The following SLC16A12 variants were observed in gnomAD, a reference collection of about 807,000 sequenced individuals.
SLC16A12 encodes solute carrier family 16 member 12, also known as monocarboxylate transporter 12.
SLC16A12 carries 17 observed loss-of-function variants against 42.4 expected under a neutral mutation model. The ratio of observed to expected loss-of-function variants is 0.40; its 90% CI spans 0.27 to 0.60. SLC16A12 has a LOEUF of 0.60. SLC16A12 is among the 20% of genes least tolerant of loss of function. SLC16A12 has a pLI of 0.42. For missense variants in SLC16A12, 544 were observed against 623.0 expected (o/e 0.87, Z 1.35); for synonymous variants, 224 against 229.4 (o/e 0.98, Z 0.21).
chr10:89,520,576 G>A lies in SLC16A12; in HGVS notation c.-47+13925C>T, dbSNP rs138442816. 1.4e-4 allele frequency among the ~76,000 whole-genome samples: 22 copies of A among 152,082 alleles called. No homozygotes were observed. The East Asian group carries it at 4.1e-3, about 28-fold the overall frequency. On this transcript the variant is annotated intron_variant, in intron 2 of 7. Coordinates refer to ENST00000371790, the MANE Select transcript of SLC16A12 (RefSeq NM_213606.4). ...AAAGAACAGTAGAAACAAAAGCATCGAGTGTTTTAAAAGCACACGTACACT... is the reference window on the plus strand; with the variant it reads ...AAAGAACAGTAGAAACAAAAGCATCAAGTGTTTTAAAAGCACACGTACACT...
chr10:89,541,695 A>G (rs902854844), intron 2 of SLC16A12, among the ~76,000 whole-genome samples: 3 of 152,166 alleles, frequency 2.0e-5, no homozygotes, highest in African/African-American at 4.8e-5. Context: ...AGGCCTGACA[A>G]TTCTTTGTTG....
At chr10:89,502,073 A>G (rs1173973705) in intron 2 of SLC16A12, among the ~76,000 whole-genome samples, 1 of 152,218 alleles carries the variant, frequency 6.6e-6, no homozygotes, top group Non-Finnish European at 1.5e-5. Context: ...GACACAGCCC[A>G]GATTGAAAAC....
chr10:89,511,682 G>A (rs1231426630), intron 2 of SLC16A12, among the ~76,000 whole-genome samples: 3 of 152,106 alleles, frequency 2.0e-5, no homozygotes, highest in Non-Finnish European at 2.9e-5. Context: ...GTATACCTCT[G>A]TAACAAACCT....
At chr10:89,531,537 G>T (rs1050711654) in intron 2 of SLC16A12, among the ~76,000 whole-genome samples, 2 of 152,204 alleles carry the variant, frequency 1.3e-5, no homozygotes, top group Non-Finnish European at 2.9e-5. Flanking sequence ...TCCCACAGCG[G>T]TCTCTGTGTC....
At chr10:89,459,816 C>T (rs561974584) in intron 3 of SLC16A12, among the ~76,000 whole-genome samples, 15 of 152,236 alleles carry the variant, frequency 9.9e-5, no homozygotes, top group African/African-American at 3.6e-4. Flanking sequence ...TGGCACGCAC[C>T]TGTAATCCCA....
chr10:89,537,710 A>G (rs1469897075), upstream of SLC16A12, among the ~76,000 whole-genome samples: 3 of 152,086 alleles, frequency 2.0e-5, no homozygotes, highest in East Asian at 3.9e-4. Flanking sequence ...TGGGTGGCAA[A>G]TAAGTCTCAC....
intron 2 of SLC16A12, among the ~76,000 whole-genome samples, chr10:89,464,191 T>A (rs764687768): frequency 1.3e-5 from 2 of 152,164 alleles, no homozygotes; most frequent in African/African-American, 4.8e-5. Flanking sequence ...GGGTCTTTTG[T>A]TTTTTGCTTT....
intron 2 of SLC16A12, among the ~76,000 whole-genome samples, chr10:89,529,281 T>C (rs893268661): frequency 6.6e-6 from 1 of 152,108 alleles, no homozygotes; most frequent in South Asian, 2.1e-4. Flanking sequence ...CAAAGTGGAA[T>C]CCCAAAATAA....
At position 89,441,209 on chromosome 10, in the gene SLC16A12, A is replaced by T; in HGVS notation, c.347T>A (p.Val116Glu). The part of the protein sequence containing the change: ...SVVSNHLSCQ[V>E]GIMLGGLLAS... ...AAGCAAGCCACCCAGCATGATTCCC[A>T]CTTGACAGGATAAATGGTTACTGAC... Residue 116 changes from valine to glutamate, a missense_variant, in exon 5 of 8, where the codon GTG becomes GAG. Physicochemically the swap from Val to Glu is moderately radical, Grantham distance 121. Coordinates refer to ENST00000371790, the MANE Select transcript of SLC16A12 (RefSeq NM_213606.4). 5 of 1,614,032 alleles carry T rather than the reference A, an allele frequency of 3.1e-6. No homozygotes were observed. The highest frequency in any genetic ancestry group is 4.2e-6 in the Non-Finnish European group (5 of 1,179,970).
At chr10:89,450,756 TA>T (rs1369354457) in intron 3 of SLC16A12, among the ~76,000 whole-genome samples, 2 of 151,830 alleles carry the variant, frequency 1.3e-5, no homozygotes, top group African/African-American at 4.8e-5. Flanking sequence ...TAAAGTATAA[TA>T]AAAAAAAGAA....
intron 2 of SLC16A12, among the ~76,000 whole-genome samples, chr10:89,523,283 C>T (rs1300720785): frequency 2.0e-5 from 3 of 152,194 alleles, no homozygotes; most frequent in Non-Finnish European, 4.4e-5. Flanking sequence ...AGAATCCTCC[C>T]TTCACAAACC....
At position 89,461,435 on chromosome 10, in the gene SLC16A12, T is replaced by G. The variant is rs56028548; in HGVS notation, c.200+944A>C. Among the ~76,000 whole-genome samples the G allele has an allele frequency of 2.9e-3, 438 of 152,346 alleles. 1 individual carries two copies. Among genetic ancestry groups the G allele is most frequent in the African/African-American group, 0.01 (422 of 41,584 alleles). ...CAGGATTATTTTGGCCTTGCATGTT[T>G]TATCCTTTCTGGGATGAATATAGAC... On this transcript the variant is annotated intron_variant, in intron 3 of 7. Coordinates refer to ENST00000371790, the MANE Select transcript of SLC16A12 (RefSeq NM_213606.4).
intron 7 of SLC16A12, among the ~76,000 whole-genome samples, chr10:89,435,662 T>C (rs1841769105): frequency 6.6e-6 from 1 of 152,204 alleles, no homozygotes; most frequent in Admixed American, 6.5e-5. Context: ...CACTCCACTA[T>C]GACACTGGCG....
At chr10:89,534,873 A>G (rs1007212031) in intron 1 of SLC16A12, among the ~76,000 whole-genome samples, 17 of 151,992 alleles carry the variant, frequency 1.1e-4, no homozygotes, top group Non-Finnish European at 2.4e-4. Flanking sequence ...TGATGTGTGA[A>G]AACGGAAGAC....
intron 2 of SLC16A12, among the ~76,000 whole-genome samples, chr10:89,494,478 T>A (rs1230455062): frequency 6.6e-6 from 1 of 152,246 alleles, no homozygotes; most frequent in Non-Finnish European, 1.5e-5. Context: ...TAAGCTGTGG[T>A]ACATTCAGCT....
At chr10:89,450,110 A>G (rs1339963169) in intron 3 of SLC16A12, among the ~76,000 whole-genome samples, 1 of 152,214 alleles carries the variant, frequency 6.6e-6, no homozygotes, top group Non-Finnish European at 1.5e-5. Context: ...TCAGGAAACA[A>G]CAGGTGCTGG....
chr10:89,457,493 G>A (rs1842214764), intron 3 of SLC16A12, among the ~76,000 whole-genome samples: 1 of 152,188 alleles, frequency 6.6e-6, no homozygotes, highest in Admixed American at 6.5e-5. Context: ...TGCTAGCAGG[G>A]CTGCAGAGAG....
intron 2 of SLC16A12, among the ~76,000 whole-genome samples, chr10:89,482,041 T>A (rs1229727029): frequency 2.6e-5 from 4 of 152,142 alleles, no homozygotes; most frequent in Non-Finnish European, 4.4e-5. Context: ...TTTTAGAATC[T>A]TTGAATGAAA....
At chr10:89,470,923 CACG>C in intron 2 of SLC16A12, among the ~76,000 whole-genome samples, 1 of 39,690 alleles carries the variant, frequency 2.5e-5, no homozygotes, top group Non-Finnish European at 6.9e-5. Context: ...ACCACAAGGA[CACG>C]GACACGTGAG....
Sources: allele counts gnomAD v4.1 joint callset (sites outside exome capture counted in the v4.1 genomes callset), GRCh38; gene constraint gnomAD v4.1.1; transcripts MANE v1.5; gene names NCBI Gene and HGNC (gene_info 2026-07-23, HGNC 2026-07-21).